Variants in EPB41L4A observed in about 807,000 individuals in gnomAD.
EPB41L4A encodes the protein band 4.1-like protein 4A.
In EPB41L4A, 100 loss-of-function variants were observed where a neutral mutation model predicts 108.6. The observed-to-expected ratio is 0.92, with a 90% CI of 0.78 to 1.09. EPB41L4A has a LOEUF of 1.09. Among genes scored for constraint, EPB41L4A ranks in the 50% least tolerant of loss-of-function variants. The pLI is 0.00. For synonymous variants in EPB41L4A, 319 were observed against 289.0 expected (o/e 1.10, Z -1.05); for missense variants, 1,030 against 842.7 (o/e 1.22, Z -2.75).
intron 1 of EPB41L4A, among the ~76,000 whole-genome samples, chr5:112,390,067 T>C (rs965354974): frequency 2.0e-5 from 3 of 152,156 alleles, no homozygotes; most frequent in African/African-American, 7.2e-5. Context: ...TTTCACACTT[T>C]AGGAAAAAGA....
rs747562842 is a variant in EPB41L4A, at chr5:112,165,041, T to A, written c.2010A>T (p.Thr670=). 1.2e-6 allele frequency: 2 copies of A among 1,614,076 alleles called. No homozygotes were observed. Among genetic ancestry groups the A allele is most frequent in the South Asian group, 2.2e-5 (2 of 91,078 alleles). The part of the protein sequence containing the change: ...TSTNNLAGKH[T]AKTIKTIQAS... The stretch of plus-strand genomic sequence containing the variant: ...CTTGTATAGTTTTTATTGTTTTTGC[T>A]GTGTGTTTTCCAGCCAGGTTGTTTG... Residue 670 remains threonine (T), a synonymous_variant, in exon 23 of 23, where the codon ACA becomes ACT. Coordinates refer to ENST00000261486, the MANE Select transcript of EPB41L4A (RefSeq NM_022140.5).
At position 112,292,107 on chromosome 5, in the gene EPB41L4A, G is replaced by C. The variant is rs573341248; in HGVS notation, c.205-11784C>G. Among the ~76,000 whole-genome samples the C allele has an allele frequency of 3.9e-4, 59 of 152,146 alleles. 1 individual carries two copies. The highest frequency in any genetic ancestry group is 1.3e-3 in the African/African-American group (54 of 41,508). ...ACCTGATATTTGAGTATCTTTTTAT[G>C]GTCTGTCTCACCCCTGGAAATAAAC... On this transcript the variant is annotated intron_variant, in intron 2 of 22. Coordinates refer to ENST00000261486, the MANE Select transcript of EPB41L4A (RefSeq NM_022140.5).
intron 1 of EPB41L4A, among the ~76,000 whole-genome samples, chr5:112,380,929 T>C (rs532613527): frequency 6.6e-6 from 1 of 152,260 alleles, no homozygotes; most frequent in South Asian, 2.1e-4. Flanking sequence ...ACATTCCTTC[T>C]GGTTGCAGGC....
At chr5:112,402,636 A>T (rs1761841138) in intron 1 of EPB41L4A, among the ~76,000 whole-genome samples, 1 of 152,226 alleles carries the variant, frequency 6.6e-6, no homozygotes, top group Non-Finnish European at 1.5e-5. Context: ...CATTTATCAC[A>T]TAAAATCACC....
rs576008243 is a variant in EPB41L4A at position 112,223,187 on chromosome 5, G to A, written c.1087+11447C>T. 3.3e-4 allele frequency among the ~76,000 whole-genome samples: 50 copies of A among 152,036 alleles called. No homozygotes were observed. In the South Asian group the frequency reaches 8.5e-3, roughly 26 times the overall value. ...ACTCCTGACCTCTGGTGATCTGCCC[G>A]CCTTGGCCTCCCAAAGTGCTGGAAT... On this transcript the variant is annotated intron_variant, in intron 12 of 22. Transcript: ENST00000261486.
chr5:112,318,905 C>T (rs1156583639), intron 1 of EPB41L4A, among the ~76,000 whole-genome samples: 3 of 152,182 alleles, frequency 2.0e-5, no homozygotes, highest in Non-Finnish European at 4.4e-5. Flanking sequence ...CTATTTCATA[C>T]TCCCCTTCAA....
intron 18 of EPB41L4A, among the ~76,000 whole-genome samples, chr5:112,181,548 A>T (rs1761156175): frequency 6.6e-6 from 1 of 152,192 alleles, no homozygotes; most frequent in South Asian, 2.1e-4. Context: ...CCACACACAT[A>T]CTTGTAGAGA....
chr5:112,157,652 C>G (rs1049792443), downstream of EPB41L4A, among the ~76,000 whole-genome samples: 1 of 152,174 alleles, frequency 6.6e-6, no homozygotes, highest in East Asian at 1.9e-4. Flanking sequence ...ATTTCTCCTG[C>G]CTTCCCTTCT....
intron 17 of EPB41L4A, among the ~76,000 whole-genome samples, chr5:112,190,323 C>T (rs757587487): frequency 2.6e-5 from 4 of 152,056 alleles, no homozygotes; most frequent in Non-Finnish European, 4.4e-5. Flanking sequence ...GGGGGTGTTA[C>T]ATAAACACCC....
At chr5:112,251,808 T>A (rs1750694268) in intron 9 of EPB41L4A, among the ~76,000 whole-genome samples, 1 of 151,864 alleles carries the variant, frequency 6.6e-6, no homozygotes, top group South Asian at 2.1e-4. Flanking sequence ...ACAATAAACC[T>A]CAGTAGATTT....
At position 112,376,932 on chromosome 5, in the gene EPB41L4A, G is replaced by A. The variant is rs930230137; in HGVS notation, c.99+42009C>T. 3.9e-5 allele frequency among the ~76,000 whole-genome samples: 6 copies of A among 152,080 alleles called. No individual in the cohort carries two copies. The East Asian group carries it at 5.8e-4, about 15-fold the overall frequency. On this transcript the variant is annotated intron_variant, in intron 1 of 22. Coordinates refer to ENST00000261486, the MANE Select transcript of EPB41L4A (RefSeq NM_022140.5). Reference sequence around the variant, plus strand: ...AAAAGTGCAACACGTGGCTGGGTGCGGTGGCTCATTCCTCTAATCCCAGCA... The same window carrying A: ...AAAAGTGCAACACGTGGCTGGGTGCAGTGGCTCATTCCTCTAATCCCAGCA...
At chr5:112,269,462 T>G (rs1323215919) in intron 4 of EPB41L4A, among the ~76,000 whole-genome samples, 1 of 152,070 alleles carries the variant, frequency 6.6e-6, no homozygotes, top group East Asian at 1.9e-4. Context: ...TTTTATGGGG[T>G]TTATAGTAAA....
chr5:112,211,794 G>A (rs1762758012), intron 12 of EPB41L4A, among the ~76,000 whole-genome samples: 1 of 152,140 alleles, frequency 6.6e-6, no homozygotes, highest in African/African-American at 2.4e-5. Context: ...AGAAAACAAA[G>A]GGTGGTTTCA....
intron 2 of EPB41L4A, among the ~76,000 whole-genome samples, chr5:112,287,217 C>T (rs1365085275): frequency 2.0e-5 from 3 of 152,180 alleles, no homozygotes; most frequent in Non-Finnish European, 2.9e-5. Context: ...CACTTAGATG[C>T]CTGTTAGAAT....
intron 1 of EPB41L4A, among the ~76,000 whole-genome samples, chr5:112,414,852 C>T (rs911987794): frequency 1.4e-4 from 21 of 152,052 alleles, no homozygotes; most frequent in Admixed American, 3.9e-4. Context: ...TTTTAGAAAA[C>T]TGGATGTAGT....
At chr5:112,329,799 C>T (rs1004321609) in intron 1 of EPB41L4A, among the ~76,000 whole-genome samples, 13 of 151,862 alleles carry the variant, frequency 8.6e-5, no homozygotes, top group Admixed American at 1.3e-4. Context: ...ACTTTCAGCA[C>T]CCCACCCCCT....
chr5:112,254,989 T>A (rs1750971798), intron 9 of EPB41L4A, among the ~76,000 whole-genome samples: 2 of 152,126 alleles, frequency 1.3e-5, no homozygotes, highest in African/African-American at 4.8e-5. Context: ...CTGTGTCTTC[T>A]GTCTCCACTG....
chr5:112,378,274 G>A lies in EPB41L4A; in HGVS notation c.99+40667C>T, dbSNP rs140742851. On this transcript the variant is annotated intron_variant, in intron 1 of 22. Coordinates refer to ENST00000261486, the MANE Select transcript of EPB41L4A (RefSeq NM_022140.5). ...AATTATGTCTGTTCCTCTCATGATTGTAGGAATTGGTCTATATAGCTTGCA... is the reference window on the plus strand; with the variant it reads ...AATTATGTCTGTTCCTCTCATGATTATAGGAATTGGTCTATATAGCTTGCA... Among the ~76,000 whole-genome samples, 52 of 151,470 alleles carry A rather than the reference G, an allele frequency of 3.4e-4. No individual in the cohort carries two copies. In the East Asian group the frequency reaches 9.6e-3, roughly 28 times the overall value.
At chr5:112,268,551 C>A (rs1361599901) in intron 4 of EPB41L4A, among the ~76,000 whole-genome samples, 1 of 152,086 alleles carries the variant, frequency 6.6e-6, no homozygotes, top group Non-Finnish European at 1.5e-5. Context: ...ATGCAAATTT[C>A]TCTTCCTCTA....
Sources: gnomAD v4.1 joint callset for allele counts (sites outside exome capture counted in the v4.1 genomes callset) on GRCh38, gnomAD v4.1.1 for gene constraint, MANE v1.5 for transcripts, NCBI Gene and HGNC (gene_info 2026-07-23, HGNC 2026-07-21) for gene names.